The following YIF1B variants were observed in gnomAD, a reference collection of about 807,000 sequenced individuals.
The protein encoded by YIF1B is Yip1 interacting factor homolog B, membrane trafficking protein.
YIF1B carries 24 observed loss-of-function variants against 34.6 expected under a neutral mutation model. That is an observed-to-expected ratio of 0.69 (90% CI 0.50 to 0.98). The LOEUF (loss-of-function observed/expected upper bound fraction) is 0.98. Among genes scored for constraint, YIF1B ranks in the 50% least tolerant of loss-of-function variants. The pLI is 0.00. For missense variants in YIF1B, 368 were observed against 429.4 expected, an observed-to-expected ratio of 0.86 and a Z score of 1.26; for synonymous variants, 186 against 184.8, an observed-to-expected ratio of 1.01 and a Z score of -0.05.
At position 38,309,562 on chromosome 19, in the gene YIF1B, CT is replaced by C. The variant is rs1473304422; in HGVS notation, c.139del (p.Ser47AlafsTer13). On this transcript the variant is annotated frameshift_variant, in exon 2 of 8. Transcript: ENST00000339413. LOFTEE classifies it high-confidence loss of function. ...TGCCCGCTGGGCCCCATAGCCCCGG[CT>C]CTGGGCTGAACTTGTGTCATCGAAA... is the stretch of plus-strand genomic sequence containing the variant. ...QLFDDTSSAQ[S>X]RGYGAQRAPG... 6.3e-7 allele frequency: 1 copy of C among 1,599,764 alleles called. No homozygotes were observed. The highest frequency in any genetic ancestry group is 8.5e-7 in the Non-Finnish European group (1 of 1,173,654).
At position 38,304,548 on chromosome 19, in the gene YIF1B, C is replaced by A; in HGVS notation, c.*804G>T. The stretch of plus-strand genomic sequence containing the variant: ...GGGAAGGCTGGGGTTGCCCCTGACC[C>A]CAGGGTCCTGCCTTAGGCCTCCAAC... On this transcript the variant is annotated 3_prime_UTR_variant, in exon 8 of 8. Coordinates refer to ENST00000339413, the MANE Select transcript of YIF1B (RefSeq NM_001039672.3). 2 of 1,592,956 alleles carry A rather than the reference C, an allele frequency of 1.3e-6. No homozygotes were observed. The highest frequency in any genetic ancestry group is 1.7e-6 in the Non-Finnish European group (2 of 1,170,314).
Position 38,304,471 on chromosome 19 carries a change from G to C in YIF1B, c.*881C>G. On this transcript the variant is annotated 3_prime_UTR_variant, in exon 8 of 8. Transcript: ENST00000339413. ...AAAGTTCAGGGCCGGTCGGAGGCAG[G>C]GGCAGGTCCGGGTCCAAAGGTAAGT... 2 of 1,555,138 alleles carry C rather than the reference G, an allele frequency of 1.3e-6. No individual in the cohort carries two copies. The highest frequency in any genetic ancestry group is 1.7e-6 in the Non-Finnish European group (2 of 1,149,810).
intron 1 of YIF1B, among the ~76,000 whole-genome samples, chr19:38,312,530 C>T (rs1401198706): frequency 6.6e-6 from 1 of 152,168 alleles, no homozygotes; most frequent in African/African-American, 2.4e-5. Context: ...GGGATTTGAA[C>T]CCAGCACTCT....
Position 38,309,537 on chromosome 19 carries a change from T to C in YIF1B, c.165A>G (p.Ala55=), listed in dbSNP as rs766938185. ...AQSRGYGAQR[A]PGGLSYPAAS... ...CTGCAGGATAACTCAGGCCACCAGGTGCCCGCTGGGCCCCATAGCCCCGGC... is the reference window on the plus strand; with the variant it reads ...CTGCAGGATAACTCAGGCCACCAGGCGCCCGCTGGGCCCCATAGCCCCGGC... Residue 55 remains alanine, a synonymous_variant, in exon 2 of 8, where the codon GCA becomes GCG. Transcript: ENST00000339413. 1 of 1,605,708 alleles carries C rather than the reference T, an allele frequency of 6.2e-7. No individual in the cohort carries two copies. Among genetic ancestry groups the C allele is most frequent in the Non-Finnish European group, 8.5e-7 (1 of 1,176,510 alleles).
chr19:38,310,187 C>CCCAT (rs534098336), intron 1 of YIF1B, among the ~76,000 whole-genome samples: 3,377 of 143,664 alleles, frequency 0.024, 56 homozygotes, highest in South Asian at 0.036. Flanking sequence ...CATCCATCCA[C>CCCAT]CCATCCATCC....
upstream of YIF1B, chr19:38,319,898 C>T: frequency 7.4e-7 from 1 of 1,358,872 alleles, no homozygotes; most frequent in Non-Finnish European, 9.4e-7. Flanking sequence ...GGTCCGGAGG[C>T]GGGGGCCACG....
At chr19:38,320,042 C>A (rs776686167), upstream of YIF1B, 2 of 1,501,564 alleles carry the variant, frequency 1.3e-6, no homozygotes, top group South Asian at 2.5e-5. Flanking sequence ...CTGGAGGGGC[C>A]GCACGAAGCC....
chr19:38,315,509 C>T, intron 1 of YIF1B: 21 of 1,404,016 alleles, frequency 1.5e-5, no homozygotes, highest in Non-Finnish European at 1.8e-5. Flanking sequence ...CCTCTGCGCT[C>T]CCGGGGGGCC....
chr19:38,307,552 C>T (rs748589222), intron 6 of YIF1B, 31 bp from the exon 7 acceptor site: 1 of 1,613,748 alleles, frequency 6.2e-7, no homozygotes, highest in South Asian at 1.1e-5. Context: ...TGTGTGAGGA[C>T]AAGGCCCAAG....
intron 1 of YIF1B, among the ~76,000 whole-genome samples, chr19:38,310,330 C>T (rs1280939227): frequency 7.4e-6 from 1 of 135,164 alleles, no homozygotes; most frequent in Non-Finnish European, 1.6e-5. Context: ...CACCCACCCA[C>T]CCATCCATCC....
Position 38,304,677 on chromosome 19 carries a change from G to T in YIF1B, c.*675C>A. Reference sequence around the variant, plus strand: ...GCAGCAGCTCCAGCGATTCGGACACGGATGTGAAGGTAAGGGGCTCTCGCC... The same window carrying T: ...GCAGCAGCTCCAGCGATTCGGACACTGATGTGAAGGTAAGGGGCTCTCGCC... On this transcript the variant is annotated 3_prime_UTR_variant, in exon 8 of 8. Transcript: ENST00000339413. 6.2e-7 allele frequency: 1 copy of T among 1,613,646 alleles called. No homozygotes were observed. Among genetic ancestry groups the T allele is most frequent in the Non-Finnish European group, 8.5e-7 (1 of 1,179,974 alleles).
intron 7 of YIF1B, among the ~76,000 whole-genome samples, chr19:38,306,228 A>G (rs1600377520): frequency 6.6e-6 from 1 of 150,556 alleles, no homozygotes; most frequent in East Asian, 2.0e-4. Flanking sequence ...AAAAAAAAAA[A>G]AAAGTCAGGG....
intron 1 of YIF1B, among the ~76,000 whole-genome samples, chr19:38,310,149 T>TACCCACCCACCCATCAATCCATCC (rs1568357068): frequency 3.9e-4 from 34 of 86,834 alleles, no homozygotes; most frequent in Admixed American, 1.3e-3. Context: ...TCTATCCATC[T>TACCCACCCACCCATCAATCCATCC]ACCCACCCAC....
chr19:38,312,059 C>T (rs143723028), intron 1 of YIF1B, among the ~76,000 whole-genome samples: 9,081 of 151,804 alleles, frequency 0.06, 322 homozygotes, highest in African/African-American at 0.084. Flanking sequence ...GCCAAGATCG[C>T]GCCACTGCAC....
chr19:38,317,810 C>A (rs961756638), upstream of YIF1B, among the ~76,000 whole-genome samples: 6 of 150,316 alleles, frequency 4.0e-5, no homozygotes, highest in East Asian at 2.0e-4. Flanking sequence ...GAACTCCTGA[C>A]CTCAGGTGAT....
chr19:38,307,209 G>T lies in YIF1B; in HGVS notation c.789+219C>A. 8.6e-6 allele frequency: 5 copies of T among 581,242 alleles called. No homozygotes were observed. The South Asian group carries it at 9.9e-5, about 11-fold the overall frequency. 36.0% of individuals were successfully genotyped at this position (581,242 alleles called of 1,614,324 possible). A position where few individuals can be genotyped will look rare whatever the true frequency, so the allele number is the denominator to read the frequency against. ...GGAGCCTGTGTGCTGGGGATCCCCAGCCTCTAGCAGCCTGGCTGGTGTCTC... is the reference window on the plus strand; with the variant it reads ...GGAGCCTGTGTGCTGGGGATCCCCATCCTCTAGCAGCCTGGCTGGTGTCTC... On this transcript the variant is annotated intron_variant, in intron 7 of 7. Coordinates refer to ENST00000339413, the MANE Select transcript of YIF1B (RefSeq NM_001039672.3).
Position 38,304,440 on chromosome 19 carries a change from C to T in YIF1B, c.*912G>A, listed in dbSNP as rs770417120. ...CCACGGGGGAGATCCCAAGCTCAGTCCCCACAAAGTTCAGGGCCGGTCGGA... is the reference window on the plus strand; with the variant it reads ...CCACGGGGGAGATCCCAAGCTCAGTTCCCACAAAGTTCAGGGCCGGTCGGA... On this transcript the variant is annotated 3_prime_UTR_variant, in exon 8 of 8. Coordinates refer to ENST00000339413, the MANE Select transcript of YIF1B (RefSeq NM_001039672.3). 1 of 1,559,580 alleles carries T rather than the reference C, an allele frequency of 6.4e-7. No homozygotes were observed. Among genetic ancestry groups the T allele is most frequent in the Non-Finnish European group, 8.7e-7 (1 of 1,152,414 alleles).
upstream of YIF1B, chr19:38,316,036 AC>A (rs577666982): frequency 6.1e-5 from 70 of 1,143,686 alleles, no homozygotes; most frequent in Middle Eastern, 3.3e-4. Context: ...CCTCGCCCCC[AC>A]CCCCCCGACC....
At chr19:38,321,212 C>G (rs893453195), upstream of YIF1B, among the ~76,000 whole-genome samples, 3 of 152,228 alleles carry the variant, frequency 2.0e-5, no homozygotes, top group African/African-American at 7.2e-5. Context: ...AGAGATTCCT[C>G]AGCAAGGACC....
Sources: allele counts gnomAD v4.1 joint callset (sites outside exome capture counted in the v4.1 genomes callset), GRCh38; gene constraint gnomAD v4.1.1; transcripts MANE v1.5; gene names NCBI Gene and HGNC (gene_info 2026-07-23, HGNC 2026-07-21).